The following DNAJC2 variants were observed in gnomAD, a reference collection of about 807,000 sequenced individuals.
DNAJC2 encodes the protein DnaJ heat shock protein family (Hsp40) member C2.
A neutral mutation model predicts 94.0 loss-of-function variants in DNAJC2; 32 were observed. That is an observed-to-expected ratio of 0.34 (90% CI 0.26 to 0.46). The LOEUF is 0.46. Ranked by LOEUF, DNAJC2 falls within the 20% of genes least tolerant of loss-of-function variation. The pLI is 1.00. For missense variants in DNAJC2, 550 were observed against 719.5 expected (o/e 0.76, Z 2.69); for synonymous variants, 210 against 229.7 (o/e 0.91, Z 0.77).
At chr7:103,323,414 C>T (rs534442015) in intron 7 of DNAJC2, among the ~76,000 whole-genome samples, 184 bp downstream of exon 7, 1 of 152,218 alleles carries the variant, frequency 6.6e-6, no homozygotes, top group African/African-American at 2.4e-5. Context: ...ATATCCTAAC[C>T]AATTATTGAT....
chr7:103,333,264 A>C (rs1040847552), intron 3 of DNAJC2, among the ~76,000 whole-genome samples: 4 of 152,192 alleles, frequency 2.6e-5, no homozygotes, highest in Non-Finnish European at 5.9e-5. Context: ...CTCTGAATTG[A>C]ATTTCCACCT....
At chr7:103,326,771 A>G in intron 4 of DNAJC2, 87 bp from the exon 5 acceptor site, 3 of 1,311,944 alleles carry the variant, frequency 2.3e-6, no homozygotes, top group Non-Finnish European at 3.1e-6. Flanking sequence ...CTTAAAACAT[A>G]GAAGTCATTA....
intron 7 of DNAJC2, 119 bp from the exon 8 acceptor site, chr7:103,322,913 AT>A: frequency 1.3e-6 from 1 of 799,882 alleles, no homozygotes; most frequent in Non-Finnish European, 1.9e-6. Context: ...ATGCTGTGTC[AT>A]TACTAACATT....
At chr7:103,326,723 T>C (rs752555417) in intron 4 of DNAJC2, 39 bp from the exon 5 acceptor site, 5 of 1,555,440 alleles carry the variant, frequency 3.2e-6, no homozygotes, top group African/African-American at 2.8e-5. Context: ...ACCATAACTT[T>C]ACCTATTTTT....
intron 4 of DNAJC2, among the ~76,000 whole-genome samples, 171 bp from the exon 5 acceptor site, chr7:103,326,855 G>A (rs933122353): frequency 6.6e-6 from 1 of 152,068 alleles, no homozygotes; most frequent in African/African-American, 2.4e-5. Flanking sequence ...TAGCACTACT[G>A]GATATAACTG....
At chr7:103,334,906 T>C (rs1345692047) in intron 3 of DNAJC2, among the ~76,000 whole-genome samples, 1 of 152,200 alleles carries the variant, frequency 6.6e-6, no homozygotes, top group Admixed American at 6.5e-5. Context: ...CAATCTCGGC[T>C]GGCTGCAACC....
chr7:103,316,934 C>T lies in DNAJC2; in HGVS notation c.1323G>A (p.Glu441=), dbSNP rs776114907. 6.2e-7 allele frequency: 1 copy of T among 1,613,958 alleles called. No individual in the cohort carries two copies. Among genetic ancestry groups the T allele is most frequent in the Non-Finnish European group, 8.5e-7 (1 of 1,180,006 alleles). ...ARMRQASKNT[E]KSTGGGGNGS... ...CATTTCCACCTCCACCAGTTGATTT[C>T]TCTGTGTTCTTAGATGCTTGTCGCA... Residue 441 remains glutamate, a synonymous_variant, in exon 13 of 17, where the codon GAG becomes GAA. Coordinates refer to ENST00000379263, the MANE Select transcript of DNAJC2 (RefSeq NM_014377.3).
At chr7:103,327,787 A>T in intron 3 of DNAJC2, 33 bp from the exon 4 acceptor site, 1 of 1,429,734 alleles carries the variant, frequency 7.0e-7, no homozygotes, top group Non-Finnish European at 9.8e-7. Context: ...ATAATTTGTC[A>T]CTTTAAGCAC....
chr7:103,314,533 A>G, intron 15 of DNAJC2: 2 of 985,346 alleles, frequency 2.0e-6, no homozygotes, highest in Non-Finnish European at 2.4e-6. Context: ...CCCCCTAAGA[A>G]AGAGCTGAGA....
At chr7:103,338,778 C>T (rs565285236) in intron 2 of DNAJC2, among the ~76,000 whole-genome samples, 12 of 151,950 alleles carry the variant, frequency 7.9e-5, no homozygotes, top group East Asian at 2.0e-4. Context: ...GGCGTGGTGG[C>T]GCCCACCTGT....
At chr7:103,337,931 AG>A (rs1195596130) in intron 2 of DNAJC2, 120 bp from the exon 3 acceptor site, 1 of 706,572 alleles carries the variant, frequency 1.4e-6, no homozygotes, top group African/African-American at 1.8e-5. Flanking sequence ...GTCCAGTAAG[AG>A]GTTCTGTATA....
chr7:103,312,790 T>A, intron 16 of DNAJC2, 147 bp from the exon 17 acceptor site: 1 of 1,510,646 alleles, frequency 6.6e-7, no homozygotes, highest in Non-Finnish European at 8.8e-7. Context: ...AGAAAGTTTC[T>A]AAGGTTGCTC....
chr7:103,343,889 A>G (rs1340249991), intron 1 of DNAJC2, among the ~76,000 whole-genome samples: 1 of 152,218 alleles, frequency 6.6e-6, no homozygotes, highest in East Asian at 1.9e-4. Flanking sequence ...GTTCAAAATC[A>G]CATTCAACAA....
chr7:103,317,012 T>C lies in DNAJC2; in HGVS notation c.1245A>G (p.Ile415Met), dbSNP rs749015927. Reference sequence around the variant, plus strand: ...TTCTGATTTGCTCATTTATTTCTTCTATCTGCACAAATATCATAAGTCAGG... The same window carrying C: ...TTCTGATTTGCTCATTTATTTCTTCCATCTGCACAAATATCATAAGTCAGG... ...EVGKAALEKQ[I>M]EEINEQIRKE... Residue 415 changes from isoleucine to methionine, a missense_variant and splice_region_variant, in exon 13 of 17, where the codon ATA (isoleucine) becomes ATG (methionine). Ile to Met is a conservative substitution (Grantham distance 10). Coordinates refer to ENST00000379263, the MANE Select transcript of DNAJC2 (RefSeq NM_014377.3). The C allele has an allele frequency of 1.2e-6, 2 of 1,612,384 alleles. No individual in the cohort carries two copies. The highest frequency in any genetic ancestry group is 1.3e-5 in the African/African-American group (1 of 74,944).
intron 6 of DNAJC2, among the ~76,000 whole-genome samples, chr7:103,324,079 G>A (rs1193049240): frequency 6.6e-6 from 1 of 152,074 alleles, no homozygotes; most frequent in African/African-American, 2.4e-5. Flanking sequence ...TTATGTTTTT[G>A]TATTTACTAG....
At position 103,322,037 on chromosome 7, in the gene DNAJC2, T is replaced by C. The variant is rs555904836; in HGVS notation, c.978A>G (p.Lys326=). 14 of 1,613,862 alleles carry C rather than the reference T, an allele frequency of 8.7e-6. No individual in the cohort carries two copies. The highest frequency in any genetic ancestry group is 1.1e-5 in the South Asian group (1 of 91,080). ...ELEAARLAKE[K]EEEEVRQQAL... ...CTTGCTGTCTGACTTCCTCCTCTTC[T>C]TTCTCCTTAGCTAACCGAGCAGCTT... is the stretch of plus-strand genomic sequence containing the variant. The change falls in exon 10 of 17, where the codon AAA becomes AAG. Residue 326 remains lysine, a synonymous_variant. Coordinates refer to ENST00000379263, the MANE Select transcript of DNAJC2 (RefSeq NM_014377.3).
At chr7:103,344,460 G>T in intron 1 of DNAJC2, 99 bp downstream of exon 1, 3 of 1,397,470 alleles carry the variant, frequency 2.1e-6, no homozygotes, top group Non-Finnish European at 3.0e-6. Context: ...GGGGCTAGTC[G>T]CCAGGGTCAA....
chr7:103,314,188 AATACC>A, intron 15 of DNAJC2: 1 of 985,398 alleles, frequency 1.0e-6, no homozygotes, highest in Non-Finnish European at 1.2e-6. Context: ...TAAAGCCCTA[AATACC>A]ATAGATTTTA....
At chr7:103,332,068 A>C in intron 3 of DNAJC2, among the ~76,000 whole-genome samples, 1 of 149,778 alleles carries the variant, frequency 6.7e-6, no homozygotes, top group East Asian at 2.0e-4. Flanking sequence ...GCAGTGGTGC[A>C]GTCTTGGCTC....
Sources: allele counts gnomAD v4.1 joint callset (sites outside exome capture counted in the v4.1 genomes callset), GRCh38; gene constraint gnomAD v4.1.1; transcripts MANE v1.5; gene names NCBI Gene and HGNC (gene_info 2026-07-23, HGNC 2026-07-21).